Variants in MBIP observed in about 807,000 individuals in gnomAD.
MBIP encodes the protein MAP3K12 binding inhibitory protein 1.
MBIP carries 32 observed loss-of-function variants against 45.7 expected under a neutral mutation model. The observed-to-expected ratio is 0.70, with a 90% CI of 0.53 to 0.94. MBIP has a LOEUF of 0.94. Among genes scored for constraint, MBIP ranks in the 40% least tolerant of loss-of-function variants. The pLI is 0.00. For synonymous variants in MBIP, 145 were observed against 141.0 expected (o/e 1.03, Z -0.20); for missense variants, 381 against 405.5 (o/e 0.94, Z 0.52).
Position 36,320,584 on chromosome 14 carries a change from G to A in MBIP, c.5C>T (p.Ala2Val), listed in dbSNP as rs377209200. Residue 2 changes from alanine to valine, a missense_variant, in exon 1 of 9, where the codon GCT becomes GTT. By Grantham distance (64) the Ala-to-Val change is moderately conservative. Coordinates refer to ENST00000416007, the MANE Select transcript of MBIP (RefSeq NM_016586.3). ...CGGGCGATTAAGCTCCGTGGCAGCA[G>A]CCATGATATCTTCTCAGGCCGCCCC... M[A>V]AATELNRPSS... 3.1e-6 allele frequency: 5 copies of A among 1,607,716 alleles called. No homozygotes were observed. The highest frequency in any genetic ancestry group is 1.1e-5 in the South Asian group (1 of 90,542).
chr14:36,314,948 C>A, intron 2 of MBIP, 33 bp from the exon 3 acceptor site: 1 of 1,317,860 alleles, frequency 7.6e-7, no homozygotes, highest in Non-Finnish European at 1.1e-6. Context: ...TGCTGAGGTT[C>A]AATCTGACCA....
Position 36,320,475 on chromosome 14 carries a change from G to A in MBIP, c.114C>T (p.His38=). ...EVLYEIFRSL[H]TLVGQLDLRD... is the part of the protein sequence containing the mutation. ...CACCTCTCACCTGTCCAACCAGGGT[G>A]TGTAGGGAGCGAAAGATTTCGTAGA... Residue 38 remains histidine (H), a synonymous_variant, in exon 1 of 9, where the codon CAC becomes CAT. Transcript: ENST00000416007. The A allele has an allele frequency of 2.5e-6, 4 of 1,614,166 alleles. No homozygotes were observed. Among genetic ancestry groups the A allele is most frequent in the Non-Finnish European group, 3.4e-6 (4 of 1,180,040 alleles).
chr14:36,319,653 G>A (rs768915672), intron 1 of MBIP: 13 of 395,124 alleles, frequency 3.3e-5, no homozygotes, highest in Non-Finnish European at 5.5e-5. Flanking sequence ...AAACTTTTAC[G>A]GCTAGAAAAT....
At chr14:36,319,844 GC>G (rs1880782821) in intron 1 of MBIP, 1 of 181,656 alleles carries the variant, frequency 5.5e-6, no homozygotes, top group Non-Finnish European at 1.2e-5. Context: ...CGATTTATCA[GC>G]CAGTTAAACT....
rs1566552384 is a variant in MBIP, at chr14:36,311,632, C to A, written c.731G>T (p.Gly244Val). The A allele has an allele frequency of 1.9e-6, 3 of 1,613,374 alleles. No individual in the cohort carries two copies. The highest frequency in any genetic ancestry group is 2.5e-6 in the Non-Finnish European group (3 of 1,179,582). The change falls in exon 6 of 9, where the codon GGT becomes GTT. Residue 244 changes from glycine to valine, a missense_variant. Gly to Val is a moderately radical substitution (Grantham distance 109). Coordinates refer to ENST00000416007, the MANE Select transcript of MBIP (RefSeq NM_016586.3). ...TAGTCGTTCTTCTACAGCCTGATTA[C>A]CACAGTCTCGAAGCATGCTGTTAGG... The part of the protein sequence containing the change: ...HKPNSMLRDC[G>V]NQAVEERLQN...
intron 8 of MBIP, among the ~76,000 whole-genome samples, chr14:36,299,949 C>T (rs1029243966): frequency 1.3e-5 from 2 of 151,588 alleles, no homozygotes; most frequent in Non-Finnish European, 2.9e-5. Flanking sequence ...CTAATAGATA[C>T]AGGGTTTTGG....
chr14:36,309,952 A>T (rs531513994), intron 6 of MBIP, among the ~76,000 whole-genome samples: 1 of 152,236 alleles, frequency 6.6e-6, no homozygotes, highest in Admixed American at 6.5e-5. Flanking sequence ...TACTCCTTTA[A>T]AACTCTACTT....
At position 36,311,623 on chromosome 14, in the gene MBIP, G is replaced by A. The variant is rs1475943459; in HGVS notation, c.740C>T (p.Ala247Val). Residue 247 changes from alanine (A) to valine (V), a missense_variant, in exon 6 of 9, where the codon GCT becomes GTT. Coordinates refer to ENST00000416007, the MANE Select transcript of MBIP (RefSeq NM_016586.3). ...NSMLRDCGNQ[A>V]VEERLQNIEA... Reference sequence around the variant, plus strand: ...AATATTTTGTAGTCGTTCTTCTACAGCCTGATTACCACAGTCTCGAAGCAT... The same window carrying A: ...AATATTTTGTAGTCGTTCTTCTACAACCTGATTACCACAGTCTCGAAGCAT... 1 of 1,613,308 alleles carries A rather than the reference G, an allele frequency of 6.2e-7. No homozygotes were observed. The highest frequency in any genetic ancestry group is 1.3e-5 in the African/African-American group (1 of 74,872).
intron 8 of MBIP, among the ~76,000 whole-genome samples, chr14:36,300,021 C>CT (rs1220552145): frequency 6.6e-6 from 1 of 152,050 alleles, no homozygotes; most frequent in Admixed American, 6.6e-5. Flanking sequence ...AGTGAATATA[C>CT]TAATAGCCAC....
At chr14:36,315,361 C>G (rs1001604154) in intron 2 of MBIP, among the ~76,000 whole-genome samples, 1 of 152,050 alleles carries the variant, frequency 6.6e-6, no homozygotes, top group Non-Finnish European at 1.5e-5. Context: ...TGCTCTCACT[C>G]AGCAAAGCCC....
intron 6 of MBIP, among the ~76,000 whole-genome samples, chr14:36,309,672 C>T (rs1334070247): frequency 1.3e-5 from 2 of 152,166 alleles, no homozygotes; most frequent in Non-Finnish European, 2.9e-5. Flanking sequence ...TTTGCTGCTC[C>T]CTTTACCTAC....
At chr14:36,302,308 T>C (rs2139197475) in intron 7 of MBIP, among the ~76,000 whole-genome samples, 1 of 152,116 alleles carries the variant, frequency 6.6e-6, no homozygotes, top group South Asian at 2.1e-4. Flanking sequence ...CTGGCTAACA[T>C]GGTGAAACCC....
chr14:36,311,283 A>C (rs1880186683), intron 6 of MBIP, among the ~76,000 whole-genome samples: 1 of 151,860 alleles, frequency 6.6e-6, no homozygotes, highest in African/African-American at 2.4e-5. Flanking sequence ...AGACTGGACT[A>C]TCTCTTTTTT....
chr14:36,299,296 C>A, intron 8 of MBIP, 106 bp from the exon 9 acceptor site: 1 of 746,896 alleles, frequency 1.3e-6, no homozygotes, highest in Non-Finnish European at 2.2e-6. Flanking sequence ...AAAGCATGAT[C>A]AAATGGTTTT....
intron 2 of MBIP, 39 bp from the exon 3 acceptor site, chr14:36,314,954 G>T: frequency 8.0e-7 from 1 of 1,254,150 alleles, no homozygotes; most frequent in South Asian, 1.3e-5. Flanking sequence ...GGTTCAATCT[G>T]ACCAAAATTA....
At chr14:36,303,358 C>T (rs7141354) in intron 7 of MBIP, among the ~76,000 whole-genome samples, 124,589 of 152,092 alleles carry the variant, frequency 0.82, 54,156 homozygotes, top group East Asian at 0.96. Flanking sequence ...TAGTCATGCA[C>T]CGCTTAATGA....
At chr14:36,301,573 C>T (rs918368381) in intron 7 of MBIP, among the ~76,000 whole-genome samples, 3 of 142,636 alleles carry the variant, frequency 2.1e-5, no homozygotes, top group Non-Finnish European at 4.6e-5. Context: ...AAGTTAACAC[C>T]AAGCAGAGTT....
Position 36,315,029 on chromosome 14 carries a change from T to A in MBIP, c.250-114A>T. The A allele has an allele frequency of 6.0e-6, 4 of 670,690 alleles. No homozygotes were observed. The South Asian group carries it at 8.0e-5, about 13-fold the overall frequency. The allele number at this position is 670,690 out of a possible 1,614,324, so 41.5% of individuals were successfully genotyped here. Reference sequence around the variant, plus strand: ...AAATGAAATACTTAATATCAGTTAATAAATATAAAAAGTTGGTATACCAGG... The same window carrying A: ...AAATGAAATACTTAATATCAGTTAAAAAATATAAAAAGTTGGTATACCAGG... On this transcript the variant is annotated intron_variant, in intron 2 of 8. Transcript: ENST00000416007.
In MBIP at chr14:36,308,148, G is replaced by GTT. The variant is rs754872608; in HGVS notation, c.830_831dup (p.Leu278AsnfsTer20). The GTT allele has an allele frequency of 1.3e-5, 21 of 1,605,930 alleles. No homozygotes were observed. Among genetic ancestry groups the GTT allele is most frequent in the Non-Finnish European group, 1.8e-5 (21 of 1,174,814 alleles). ...TCCAATTCAAGGATTTTATCCTCAA[G>GTT]TTTTTTAATTCTCTGATAAATGTCT... On this transcript the variant is annotated frameshift_variant, in exon 7 of 9. Transcript: ENST00000416007. LOFTEE classifies it high-confidence loss of function.
Sources: allele counts gnomAD v4.1 joint callset (sites outside exome capture counted in the v4.1 genomes callset), GRCh38; gene constraint gnomAD v4.1.1; transcripts MANE v1.5; gene names NCBI Gene and HGNC (gene_info 2026-07-23, HGNC 2026-07-21).